Variants in PSD3 observed in about 807,000 individuals in gnomAD.
The protein encoded by PSD3 is pleckstrin and Sec7 domain containing 3.
PSD3 carries 49 observed loss-of-function variants against 105.5 expected under a neutral mutation model. That is an observed-to-expected ratio of 0.46 (90% CI 0.37 to 0.59). PSD3 has a LOEUF of 0.59. Among genes scored for constraint, PSD3 ranks in the 20% least tolerant of loss-of-function variants. The pLI is 0.00. For missense variants in PSD3, 1,561 were observed against 1,263.8 expected (o/e 1.24, Z -3.57); for synonymous variants, 557 against 457.8 (o/e 1.22, Z -2.77).
intron 1 of PSD3, among the ~76,000 whole-genome samples, chr8:19,077,565 G>T (rs1327925066): frequency 1.3e-5 from 2 of 152,064 alleles, no homozygotes; most frequent in African/African-American, 2.4e-5. Context: ...TTTTTCGTTT[G>T]CCTAGAAACA....
rs11993805 is a variant in PSD3 at position 18,801,998 on chromosome 8, A to G, written c.1911-616T>C. Among the ~76,000 whole-genome samples, 1,364 of 152,168 alleles carry G rather than the reference A, an allele frequency of 9.0e-3. 19 individuals are homozygous for G. The highest frequency in any genetic ancestry group is 0.031 in the African/African-American group (1,296 of 41,506). ...ACAAAGACCGCTTAAGACTCAATAC[A>G]TCATCATAAAGGCTATGTTTTAAAA... is the stretch of plus-strand genomic sequence containing the variant. On this transcript the variant is annotated intron_variant, in intron 6 of 15. Coordinates refer to ENST00000327040, the MANE Select transcript of PSD3 (RefSeq NM_015310.4).
intron 9 of PSD3, among the ~76,000 whole-genome samples, chr8:18,726,457 T>C (rs1018467788): frequency 1.3e-5 from 2 of 152,258 alleles, no homozygotes; most frequent in African/African-American, 4.8e-5. Context: ...AACTGCTGTA[T>C]AGCTGATTAT....
intron 15 of PSD3, among the ~76,000 whole-genome samples, chr8:18,541,616 G>A (rs1183148416): frequency 6.6e-6 from 1 of 152,136 alleles, no homozygotes; most frequent in African/African-American, 2.4e-5. Context: ...GATGCCACAC[G>A]TGTCAGATCC....
At chr8:18,613,701 A>G (rs1387138600) in intron 11 of PSD3, among the ~76,000 whole-genome samples, 3 of 152,182 alleles carry the variant, frequency 2.0e-5, no homozygotes, top group African/African-American at 7.2e-5. Context: ...TGAAACATAG[A>G]AAACGGCATC....
intron 2 of PSD3, among the ~76,000 whole-genome samples, chr8:18,903,275 C>T (rs1819627246): frequency 6.6e-6 from 1 of 152,106 alleles, no homozygotes; most frequent in South Asian, 2.1e-4. Context: ...ACCCGAACGG[C>T]AACTCGGGTC....
intron 9 of PSD3, among the ~76,000 whole-genome samples, chr8:18,728,544 A>G (rs2129430258): frequency 6.6e-6 from 1 of 152,300 alleles, no homozygotes; most frequent in East Asian, 1.9e-4. Context: ...GAGGCAAGAC[A>G]GAGTGTTTAG....
chr8:18,555,323 T>G (rs1048875073), intron 15 of PSD3, among the ~76,000 whole-genome samples: 1 of 150,164 alleles, frequency 6.7e-6, no homozygotes, highest in African/African-American at 2.5e-5. Context: ...GAGGAGGAAA[T>G]CAGATAAGAT....
chr8:18,631,064 T>C (rs973305038), intron 11 of PSD3, among the ~76,000 whole-genome samples: 31 of 152,068 alleles, frequency 2.0e-4, no homozygotes, highest in Admixed American at 1.8e-3. Context: ...TAGATTTCAG[T>C]GCCATCCATA....
intron 1 of PSD3, among the ~76,000 whole-genome samples, chr8:18,984,192 A>AACT (rs1554559915): frequency 2.0e-5 from 3 of 146,418 alleles, no homozygotes; most frequent in Non-Finnish European, 4.5e-5. Flanking sequence ...CCTTCAATTA[A>AACT]AATAATAATA....
chr8:18,575,746 A>G (rs1802426551), intron 12 of PSD3, among the ~76,000 whole-genome samples: 2 of 152,196 alleles, frequency 1.3e-5, no homozygotes, highest in Admixed American at 6.5e-5. Context: ...TGCTCTGAAG[A>G]TATTACATGT....
chr8:18,842,490 C>T (rs557192966), intron 4 of PSD3, among the ~76,000 whole-genome samples: 17 of 152,174 alleles, frequency 1.1e-4, no homozygotes, highest in Admixed American at 6.5e-4. Context: ...TCCCAGCACT[C>T]GGGGAGTCCG....
chr8:18,560,690 A>G (rs1801343898), intron 14 of PSD3, among the ~76,000 whole-genome samples: 2 of 152,196 alleles, frequency 1.3e-5, no homozygotes, highest in Admixed American at 1.3e-4. Context: ...GTCACTTAGG[A>G]TTTCATTTAC....
At chr8:18,773,219 CT>C (rs1199370003) in intron 8 of PSD3, among the ~76,000 whole-genome samples, 2 of 151,770 alleles carry the variant, frequency 1.3e-5, no homozygotes, top group African/African-American at 4.8e-5. Flanking sequence ...TCCTACTTCT[CT>C]TTTTTTTGCA....
At chr8:18,937,284 G>A (rs17127474) in intron 1 of PSD3, among the ~76,000 whole-genome samples, 6,173 of 152,244 alleles carry the variant, frequency 0.041, 332 homozygotes, top group East Asian at 0.22. Context: ...CATTAACCAG[G>A]ATACAGATAT....
At chr8:18,706,381 T>C (rs1563186587) in intron 9 of PSD3, among the ~76,000 whole-genome samples, 1 of 152,182 alleles carries the variant, frequency 6.6e-6, no homozygotes, top group Admixed American at 6.5e-5. Context: ...ATTATAACTA[T>C]GTATTACACA....
chr8:18,675,739 G>C (rs1028407273), intron 9 of PSD3, among the ~76,000 whole-genome samples: 8 of 152,070 alleles, frequency 5.3e-5, no homozygotes, highest in African/African-American at 1.7e-4. Flanking sequence ...TGATAGTTAA[G>C]GCAAAGCTTA....
chr8:18,887,055 A>G (rs1025520965), intron 2 of PSD3: 2 of 152,266 alleles, frequency 1.3e-5, no homozygotes, highest in African/African-American at 4.8e-5. Context: ...CAGGAAGCCC[A>G]GCAAAGGCTT....
At chr8:19,052,048 A>G (rs1506895) in intron 1 of PSD3, among the ~76,000 whole-genome samples, 61,397 of 152,152 alleles carry the variant, frequency 0.4, 15,183 homozygotes, top group Non-Finnish European at 0.55. Context: ...AATTTGCCCA[A>G]TTTCAGGCTT....
Position 18,841,242 on chromosome 8 carries a change from C to T in PSD3, c.1634+26432G>A, listed in dbSNP as rs184966228. Among the ~76,000 whole-genome samples, 165 of 152,122 alleles carry T rather than the reference C, an allele frequency of 1.1e-3. 2 individuals are homozygous for T. Among genetic ancestry groups the T allele is most frequent in the African/African-American group, 3.8e-3 (158 of 41,486 alleles). ...TTGTTATGGCTGGCTAGTGTGTATG[C>T]CAATATTCATGCATGCTCAGGCACT... On this transcript the variant is annotated intron_variant, in intron 4 of 15. Coordinates refer to ENST00000327040, the MANE Select transcript of PSD3 (RefSeq NM_015310.4).
Sources: gnomAD v4.1 joint callset for allele counts (sites outside exome capture counted in the v4.1 genomes callset) on GRCh38, gnomAD v4.1.1 for gene constraint, MANE v1.5 for transcripts, NCBI Gene and HGNC (gene_info 2026-07-23, HGNC 2026-07-21) for gene names.